Variants in ZNF407 observed in about 807,000 individuals in gnomAD.
The protein encoded by ZNF407 is zinc finger protein 407.
ZNF407 carries 17 observed loss-of-function variants against 131.2 expected under a neutral mutation model. The observed-to-expected ratio is 0.13, with a 90% CI of 0.09 to 0.19. The LOEUF (loss-of-function observed/expected upper bound fraction) is 0.19. ZNF407 is among the 10% of genes least tolerant of loss of function. The pLI is 1.00. For synonymous variants in ZNF407, 1,156 were observed against 1,062.0 expected (o/e 1.09, Z -1.72); for missense variants, 2,681 against 2,830.6 (o/e 0.95, Z 1.20).
At chr18:74,680,292 G>A (rs945725240) in intron 3 of ZNF407, among the ~76,000 whole-genome samples, 9 of 151,728 alleles carry the variant, frequency 5.9e-5, no homozygotes, top group South Asian at 2.1e-4. Flanking sequence ...ACTTGTAGTC[G>A]CAGCTACTCT....
chr18:75,001,021 T>C (rs1361328225), intron 8 of ZNF407, among the ~76,000 whole-genome samples: 1 of 152,164 alleles, frequency 6.6e-6, no homozygotes, highest in Non-Finnish European at 1.5e-5. Flanking sequence ...AATTCTCTTT[T>C]TGAGGGCCCC....
chr18:75,057,077 A>G (rs1393039247), intron 8 of ZNF407, among the ~76,000 whole-genome samples: 2 of 152,214 alleles, frequency 1.3e-5, no homozygotes, highest in East Asian at 1.9e-4. Context: ...CATCGTATTC[A>G]AGGTGCTTTC....
chr18:75,031,422 T>A (rs1973238737), intron 8 of ZNF407, among the ~76,000 whole-genome samples: 1 of 152,238 alleles, frequency 6.6e-6, no homozygotes, highest in Non-Finnish European at 1.5e-5. Flanking sequence ...TGGGTCTTTT[T>A]TTTATGTAAA....
At chr18:74,739,998 G>T (rs2144917097) in intron 3 of ZNF407, among the ~76,000 whole-genome samples, 1 of 152,236 alleles carries the variant, frequency 6.6e-6, no homozygotes, top group Non-Finnish European at 1.5e-5. Context: ...TAAATATGCT[G>T]CATTAATTTC....
At chr18:74,623,908 G>C (rs1983675931) in intron 1 of ZNF407, among the ~76,000 whole-genome samples, 1 of 152,176 alleles carries the variant, frequency 6.6e-6, no homozygotes. Context: ...TGGTGGCACA[G>C]TGAAGAGATG....
chr18:74,829,189 G>A (rs747231712), intron 4 of ZNF407, among the ~76,000 whole-genome samples: 6 of 152,158 alleles, frequency 3.9e-5, no homozygotes, highest in Non-Finnish European at 7.3e-5. Context: ...AAAGGAAATA[G>A]AGATGGTCTT....
intron 2 of ZNF407, among the ~76,000 whole-genome samples, chr18:74,640,208 C>T (rs1454413835): frequency 2.6e-5 from 4 of 152,058 alleles, no homozygotes; most frequent in African/African-American, 2.4e-5. Context: ...GTTTCAGTTT[C>T]AATCTTATCT....
At chr18:74,654,116 A>G (rs1032857697) in intron 3 of ZNF407, among the ~76,000 whole-genome samples, 1 of 151,826 alleles carries the variant, frequency 6.6e-6, no homozygotes, top group Non-Finnish European at 1.5e-5. Flanking sequence ...CATTTCTACT[A>G]AAAAAGAGAA....
At chr18:74,617,089 ATG>A (rs1568315209) in intron 1 of ZNF407, among the ~76,000 whole-genome samples, 7 of 20,924 alleles carry the variant, frequency 3.3e-4, no homozygotes, top group African/African-American at 7.5e-4. Flanking sequence ...ATCCATATCC[ATG>A]CACCAACACA....
intron 8 of ZNF407, among the ~76,000 whole-genome samples, chr18:75,008,356 G>A (rs945267894): frequency 6.6e-6 from 1 of 152,068 alleles, no homozygotes; most frequent in African/African-American, 2.4e-5. Context: ...TGCAAAGAAG[G>A]AAAAATGTCA....
chr18:74,599,484 A>G (rs1982481628), intron 1 of ZNF407, among the ~76,000 whole-genome samples: 2 of 152,198 alleles, frequency 1.3e-5, no homozygotes, highest in South Asian at 4.1e-4. Flanking sequence ...ATACTTCCCT[A>G]GAGGATTTTG....
At chr18:75,042,462 C>A (rs1973384837) in intron 8 of ZNF407, among the ~76,000 whole-genome samples, 1 of 152,014 alleles carries the variant, frequency 6.6e-6, no homozygotes, top group Non-Finnish European at 1.5e-5. Context: ...AATTAGAGTC[C>A]TAAGAGTCTG....
At chr18:74,678,677 C>T (rs961571305) in intron 3 of ZNF407, among the ~76,000 whole-genome samples, 19 of 152,092 alleles carry the variant, frequency 1.2e-4, no homozygotes, top group Admixed American at 1.2e-3. Flanking sequence ...TCTAGCTGTC[C>T]TCAGCACGAG....
intron 4 of ZNF407, among the ~76,000 whole-genome samples, chr18:74,785,751 C>T (rs1568214815): frequency 6.6e-6 from 1 of 151,788 alleles, no homozygotes; most frequent in African/African-American, 2.4e-5. Context: ...TGGCATGCAC[C>T]TGGCATGCAG....
At chr18:74,898,918 T>C (rs563508715) in intron 7 of ZNF407, among the ~76,000 whole-genome samples, 16 of 152,240 alleles carry the variant, frequency 1.1e-4, no homozygotes, top group Non-Finnish European at 2.1e-4. Context: ...CATAAATTTG[T>C]TCCAATCTAA....
chr18:74,673,113 A>G (rs753707810), intron 3 of ZNF407, among the ~76,000 whole-genome samples: 1 of 152,182 alleles, frequency 6.6e-6, no homozygotes, highest in Non-Finnish European at 1.5e-5. Context: ...TCTGCATTCA[A>G]TTGACAGTAA....
chr18:74,737,646 A>G (rs1233118393), intron 3 of ZNF407, among the ~76,000 whole-genome samples: 1 of 151,916 alleles, frequency 6.6e-6, no homozygotes, highest in African/African-American at 2.4e-5. Flanking sequence ...ACGTTTAGGT[A>G]TGTATTTTCA....
intron 8 of ZNF407, among the ~76,000 whole-genome samples, chr18:75,017,540 G>C (rs1973059510): frequency 6.6e-6 from 1 of 152,088 alleles, no homozygotes; most frequent in African/African-American, 2.4e-5. Flanking sequence ...CCAACCCTAT[G>C]CCATTCCTCA....
chr18:74,893,534 G>T (rs943201141), intron 7 of ZNF407, among the ~76,000 whole-genome samples: 1 of 151,972 alleles, frequency 6.6e-6, no homozygotes, highest in Non-Finnish European at 1.5e-5. Flanking sequence ...AATATGGTTC[G>T]AACAGATATC....
Sources: gnomAD v4.1 joint callset for allele counts (sites outside exome capture counted in the v4.1 genomes callset) on GRCh38, gnomAD v4.1.1 for gene constraint, MANE v1.5 for transcripts, NCBI Gene and HGNC (gene_info 2026-07-23, HGNC 2026-07-21) for gene names.